Variants in GPC6 observed in about 807,000 individuals in gnomAD.
The protein encoded by GPC6 is glypican 6, also known as glypican-6.
GPC6 carries 14 observed loss-of-function variants against 55.2 expected under a neutral mutation model. The observed-to-expected ratio is 0.25, with a 90% CI of 0.17 to 0.40. The LOEUF (loss-of-function observed/expected upper bound fraction) is 0.40. Among genes scored for constraint, GPC6 ranks in the 10% least tolerant of loss-of-function variants. The pLI is 1.00. For synonymous variants in GPC6, 278 were observed against 259.6 expected, an observed-to-expected ratio of 1.07 and a Z score of -0.68; for missense variants, 641 against 708.5, an observed-to-expected ratio of 0.90 and a Z score of 1.08.
intron 4 of GPC6, among the ~76,000 whole-genome samples, chr13:94,207,097 T>C (rs1382001124): frequency 6.6e-6 from 1 of 152,114 alleles, no homozygotes; most frequent in African/African-American, 2.4e-5. Flanking sequence ...TACCCTATCT[T>C]GTCCATTCTT....
chr13:93,227,421 C>T lies in GPC6; in HGVS notation c.-36C>T. 6.2e-7 allele frequency: 1 copy of T among 1,609,950 alleles called. No homozygotes were observed. The highest frequency in any genetic ancestry group is 8.5e-7 in the Non-Finnish European group (1 of 1,176,834). On this transcript the variant is annotated 5_prime_UTR_variant, in exon 1 of 9. Coordinates refer to ENST00000377047, the MANE Select transcript of GPC6 (RefSeq NM_005708.5). The surrounding 1 kb of genome is among the most constrained non-coding windows in gnomAD (Gnocchi z 4.3). Reference sequence around the variant, plus strand: ...GGGGCAAGGTGAAGAGCGCACCGGCCGTGGGGTTTACCGAGCTGGATTTGT... The same window carrying T: ...GGGGCAAGGTGAAGAGCGCACCGGCTGTGGGGTTTACCGAGCTGGATTTGT...
At chr13:93,302,766 G>A (rs915252378) in intron 1 of GPC6, among the ~76,000 whole-genome samples, 8 of 152,156 alleles carry the variant, frequency 5.3e-5, no homozygotes, top group East Asian at 1.9e-4. Context: ...TGGAGTCAAG[G>A]CATAGCATTT....
intron 2 of GPC6, among the ~76,000 whole-genome samples, chr13:93,612,404 C>A (rs1162867873): frequency 1.3e-5 from 2 of 151,932 alleles, no homozygotes; most frequent in African/African-American, 4.8e-5. Context: ...GAGGCTGAGG[C>A]AGGAGAATGG....
intron 4 of GPC6, among the ~76,000 whole-genome samples, chr13:94,194,164 A>G (rs1889488492): frequency 6.6e-6 from 1 of 152,218 alleles, no homozygotes; most frequent in Non-Finnish European, 1.5e-5. Context: ...CAGTATATGT[A>G]TACTCATACA....
At chr13:93,954,596 A>G (rs1314621401) in intron 3 of GPC6, among the ~76,000 whole-genome samples, 1 of 152,128 alleles carries the variant, frequency 6.6e-6, no homozygotes, top group Non-Finnish European at 1.5e-5. Flanking sequence ...TTTTTCCTAC[A>G]ACTCAAACAA....
chr13:93,898,272 G>GCAATAAATA (rs1369542422), intron 3 of GPC6, among the ~76,000 whole-genome samples: 9 of 152,134 alleles, frequency 5.9e-5, no homozygotes, highest in African/African-American at 2.2e-4. Flanking sequence ...CCATAATGGT[G>GCAATAAATA]CAATAAATAC....
intron 4 of GPC6, among the ~76,000 whole-genome samples, chr13:94,097,331 T>A (rs1217356314): frequency 1.3e-5 from 2 of 151,470 alleles, no homozygotes; most frequent in Non-Finnish European, 2.9e-5. Flanking sequence ...TGAAACCCCG[T>A]CTCTACTAAA....
chr13:93,448,261 T>C (rs897354442), intron 1 of GPC6, among the ~76,000 whole-genome samples: 2 of 152,180 alleles, frequency 1.3e-5, no homozygotes, highest in Non-Finnish European at 2.9e-5. Flanking sequence ...ATACTTATCA[T>C]TGTGGTATAA....
chr13:94,176,620 C>T (rs576186779), intron 4 of GPC6, among the ~76,000 whole-genome samples: 1 of 152,260 alleles, frequency 6.6e-6, no homozygotes, highest in East Asian at 1.9e-4. Flanking sequence ...TGGAACAAGC[C>T]AAGAATGTTG....
chr13:93,369,733 G>A (rs1354801763), intron 1 of GPC6, among the ~76,000 whole-genome samples: 3 of 151,898 alleles, frequency 2.0e-5, no homozygotes, highest in Non-Finnish European at 4.4e-5. Flanking sequence ...TTTGTCACTT[G>A]GGAAAACTGT....
intron 3 of GPC6, among the ~76,000 whole-genome samples, chr13:94,011,529 C>T (rs1015685771): frequency 6.6e-6 from 1 of 152,156 alleles, no homozygotes; most frequent in Non-Finnish European, 1.5e-5. Flanking sequence ...TACTGAAAGG[C>T]ACCACATGCC....
At chr13:93,353,005 G>C (rs374496947) in intron 1 of GPC6, among the ~76,000 whole-genome samples, 7 of 152,168 alleles carry the variant, frequency 4.6e-5, no homozygotes, top group African/African-American at 1.7e-4. Context: ...ATAGGTAAGA[G>C]TGGCTTCGGA....
chr13:94,030,034 G>C (rs1883057271), intron 4 of GPC6, among the ~76,000 whole-genome samples: 1 of 139,966 alleles, frequency 7.1e-6, no homozygotes, highest in Non-Finnish European at 1.5e-5. Flanking sequence ...AGGGAGTCTT[G>C]CTCTGTCGCC....
At chr13:93,295,109 C>CAAAAAAAAAAAA (rs71202577) in intron 1 of GPC6, among the ~76,000 whole-genome samples, 5 of 61,824 alleles carry the variant, frequency 8.1e-5, no homozygotes, top group Admixed American at 1.8e-4. Context: ...TCTGTCTCTG[C>CAAAAAAAAAAAA]AAAAAAAAAA....
chr13:93,620,157 G>A (rs1183707429), intron 2 of GPC6, among the ~76,000 whole-genome samples: 1 of 152,074 alleles, frequency 6.6e-6, no homozygotes, highest in African/African-American at 2.4e-5. Flanking sequence ...AAATCGTTTA[G>A]TAAGATGTTC....
chr13:94,220,288 C>T (rs992988403), intron 4 of GPC6, among the ~76,000 whole-genome samples: 1 of 152,126 alleles, frequency 6.6e-6, no homozygotes, highest in Non-Finnish European at 1.5e-5. Context: ...TTCCAAACTA[C>T]ATGAGTACCA....
At chr13:94,038,519 G>C (rs1883418111) in intron 4 of GPC6, among the ~76,000 whole-genome samples, 1 of 151,878 alleles carries the variant, frequency 6.6e-6, no homozygotes, top group Non-Finnish European at 1.5e-5. Context: ...ACCAGTCCTT[G>C]AGTCACTGCA....
intron 1 of GPC6, among the ~76,000 whole-genome samples, chr13:93,396,802 A>G (rs1406662383): frequency 6.6e-6 from 1 of 152,124 alleles, no homozygotes; most frequent in Admixed American, 6.6e-5. Flanking sequence ...AGCACTTACA[A>G]TAGTGCCTGA....
chr13:93,400,800 A>G (rs1189776748), intron 1 of GPC6, among the ~76,000 whole-genome samples: 4 of 152,164 alleles, frequency 2.6e-5, no homozygotes, highest in Non-Finnish European at 5.9e-5. Context: ...TTGAGGGGAA[A>G]ATAAAAACTT....
Sources: allele counts gnomAD v4.1 joint callset (sites outside exome capture counted in the v4.1 genomes callset), GRCh38; gene constraint gnomAD v4.1.1; non-coding constraint Gnocchi (gnomAD v3.1); transcripts MANE v1.5; gene names NCBI Gene and HGNC (gene_info 2026-07-23, HGNC 2026-07-21).